Variants in SNX4 observed in about 807,000 individuals in gnomAD.
The protein encoded by SNX4 is sorting nexin-4.
A neutral mutation model predicts 70.8 loss-of-function variants in SNX4; 49 were observed. That is an observed-to-expected ratio of 0.69 (90% CI 0.55 to 0.88). The LOEUF is 0.88. SNX4 is among the 40% of genes least tolerant of loss of function. SNX4 has a pLI of 0.00. For missense variants in SNX4, 528 were observed against 544.8 expected (o/e 0.97, Z 0.31); for synonymous variants, 206 against 183.8 (o/e 1.12, Z -0.98).
chr3:125,501,154 G>T (rs1934924487), intron 2 of SNX4, among the ~76,000 whole-genome samples: 2 of 152,126 alleles, frequency 1.3e-5, no homozygotes, highest in African/African-American at 4.8e-5. Context: ...TAACCTTAGG[G>T]ATAGTATAAA....
intron 1 of SNX4, chr3:125,516,916 T>C (rs1481938585): frequency 6.6e-6 from 1 of 152,168 alleles, no homozygotes; most frequent in African/African-American, 2.4e-5. Context: ...ATCTTTGTAG[T>C]AAAAAAATGG....
chr3:125,482,330 G>A (rs1934430395), intron 6 of SNX4, among the ~76,000 whole-genome samples: 2 of 152,034 alleles, frequency 1.3e-5, no homozygotes, highest in Admixed American at 1.3e-4. Context: ...TCTTTCCCTT[G>A]TGCTCCCTTG....
At chr3:125,472,454 A>T (rs1256901339) in intron 8 of SNX4, among the ~76,000 whole-genome samples, 2 of 152,014 alleles carry the variant, frequency 1.3e-5, no homozygotes, top group African/African-American at 4.8e-5. Flanking sequence ...TGGATATTGG[A>T]AGCCATATAA....
At chr3:125,476,449 TAATCCC>T (rs1170621346) in intron 8 of SNX4, among the ~76,000 whole-genome samples, 4 of 151,942 alleles carry the variant, frequency 2.6e-5, no homozygotes, top group Non-Finnish European at 1.5e-5. Flanking sequence ...CGCATGCCTG[TAATCCC>T]AGCTACTGGG....
At chr3:125,511,020 G>T (rs896652786) in intron 1 of SNX4, among the ~76,000 whole-genome samples, 2 of 152,158 alleles carry the variant, frequency 1.3e-5, no homozygotes, top group African/African-American at 4.8e-5. Context: ...CTGGGCTCAG[G>T]CGATTCTCCT....
At chr3:125,457,779 A>G (rs2107527810) in intron 10 of SNX4, among the ~76,000 whole-genome samples, 1 of 151,804 alleles carries the variant, frequency 6.6e-6, no homozygotes, top group Middle Eastern at 3.4e-3. Context: ...AATTCTCCAT[A>G]TTGGCCAGGC....
chr3:125,457,453 G>C, intron 10 of SNX4, 88 bp from the exon 11 acceptor site: 1 of 896,668 alleles, frequency 1.1e-6, no homozygotes, highest in Admixed American at 2.0e-5. Context: ...CATTCACAAT[G>C]TCTCGCTAGG....
intron 8 of SNX4, among the ~76,000 whole-genome samples, chr3:125,470,605 C>T (rs1465602537): frequency 1.3e-5 from 2 of 151,560 alleles, no homozygotes; most frequent in Admixed American, 6.6e-5. Context: ...CCACAAGGGT[C>T]GCTCTAGTAT....
chr3:125,476,043 G>T (rs568015836), intron 8 of SNX4, among the ~76,000 whole-genome samples: 31 of 151,426 alleles, frequency 2.0e-4, no homozygotes, highest in Admixed American at 2.0e-3. Flanking sequence ...CGAGGCGGGT[G>T]GATCACGAGG....
At chr3:125,452,256 G>A (rs545247406) in intron 12 of SNX4, among the ~76,000 whole-genome samples, 1 of 150,718 alleles carries the variant, frequency 6.6e-6, no homozygotes, top group African/African-American at 2.4e-5. Context: ...CACTGCACTC[G>A]GCTAATTTTT....
chr3:125,459,456 A>G lies in SNX4; in HGVS notation c.944+1315T>C, dbSNP rs528669039. Among the ~76,000 whole-genome samples, 4 of 152,210 alleles carry G rather than the reference A, an allele frequency of 2.6e-5. No individual in the cohort carries two copies. In the South Asian group the frequency reaches 8.3e-4, roughly 32 times the overall value. ...CTGTACTCAGCAACTTTCTTTTTTGAGACAGAATCTCACTCTGTCACCCAG... is the reference window on the plus strand; with the variant it reads ...CTGTACTCAGCAACTTTCTTTTTTGGGACAGAATCTCACTCTGTCACCCAG... On this transcript the variant is annotated intron_variant, in intron 10 of 13. Transcript: ENST00000251775.
chr3:125,447,718 T>C lies in SNX4; in HGVS notation c.*61A>G. The C allele has an allele frequency of 1.6e-6, 2 of 1,231,046 alleles. No individual in the cohort carries two copies. The highest frequency in any genetic ancestry group is 2.3e-6 in the Non-Finnish European group (2 of 860,756). 76.3% of individuals were successfully genotyped at this position (1,231,046 alleles called of 1,614,324 possible). On this transcript the variant is annotated 3_prime_UTR_variant, in exon 14 of 14. Coordinates refer to ENST00000251775, the MANE Select transcript of SNX4 (RefSeq NM_003794.4). ...ATACTAGGTAGTGACTTAAATTTCT[T>C]TTATTTACTTGTGCTTCTGTTTTGG...
intron 3 of SNX4, 26 bp downstream of exon 3, chr3:125,498,033 T>C (rs1328039806): frequency 3.1e-6 from 5 of 1,614,006 alleles, no homozygotes; most frequent in Non-Finnish European, 4.2e-6. Context: ...TGAATACTTC[T>C]AAACTACTGC....
At chr3:125,468,922 T>C (rs1934103968) in intron 9 of SNX4, among the ~76,000 whole-genome samples, 1 of 152,126 alleles carries the variant, frequency 6.6e-6, no homozygotes, top group African/African-American at 2.4e-5. Context: ...TGGTTTTCTG[T>C]GTAAAAGACC....
At chr3:125,493,250 G>A (rs1349937610) in intron 5 of SNX4, among the ~76,000 whole-genome samples, 6 of 152,130 alleles carry the variant, frequency 3.9e-5, no homozygotes, top group Non-Finnish European at 8.8e-5. Context: ...AGCCCAGATT[G>A]AGTATTTATA....
At chr3:125,455,217 A>C (rs1419730345) in intron 11 of SNX4, among the ~76,000 whole-genome samples, 1 of 152,212 alleles carries the variant, frequency 6.6e-6, no homozygotes, top group African/African-American at 2.4e-5. Flanking sequence ...TTGCCATTGT[A>C]AGCTACCATA....
At chr3:125,491,098 AT>A (rs1202485173) in intron 5 of SNX4, among the ~76,000 whole-genome samples, 2 of 152,230 alleles carry the variant, frequency 1.3e-5, no homozygotes, top group African/African-American at 4.8e-5. Context: ...TTAAAGGGCT[AT>A]CTAAAGAATA....
intron 9 of SNX4, among the ~76,000 whole-genome samples, chr3:125,465,792 G>A (rs1357720369): frequency 3.3e-5 from 5 of 151,994 alleles, no homozygotes; most frequent in East Asian, 1.9e-4. Context: ...ATAGGCATGC[G>A]CCACCACACC....
rs528510119 is a variant in SNX4, at chr3:125,472,682, C to G, written c.789-3163G>C. On this transcript the variant is annotated intron_variant, in intron 8 of 13. Coordinates refer to ENST00000251775, the MANE Select transcript of SNX4 (RefSeq NM_003794.4). ...AGGTAAAGGAGGTTTTGCAGTAGGACAAGTTTAAGTATTATTGGCACCCCT... is the reference window on the plus strand; with the variant it reads ...AGGTAAAGGAGGTTTTGCAGTAGGAGAAGTTTAAGTATTATTGGCACCCCT... Among the ~76,000 whole-genome samples, 43 of 152,204 alleles carry G rather than the reference C, an allele frequency of 2.8e-4. 1 individual carries two copies. In the South Asian group the frequency reaches 8.7e-3, roughly 31 times the overall value.
Sources: gnomAD v4.1 joint callset for allele counts (sites outside exome capture counted in the v4.1 genomes callset) on GRCh38, gnomAD v4.1.1 for gene constraint, MANE v1.5 for transcripts, NCBI Gene and HGNC (gene_info 2026-07-23, HGNC 2026-07-21) for gene names.